TEKT5: variants seen among roughly 807,000 people sequenced by gnomAD.
TEKT5 encodes the protein tektin-5.
In TEKT5, 52 loss-of-function variants were observed where a neutral mutation model predicts 48.7. That is an observed-to-expected ratio of 1.07 (90% CI 0.86 to 1.35). The LOEUF is 1.35. TEKT5 is among the 40% of genes most tolerant of loss of function. The pLI, the probability that TEKT5 is intolerant of heterozygous loss-of-function variation, is 0.00. For synonymous variants in TEKT5, 318 were observed against 267.6 expected (o/e 1.19, Z -1.84); for missense variants, 831 against 641.6 (o/e 1.30, Z -3.19).
Position 10,644,527 on chromosome 16 carries a change from T to G in TEKT5, c.1087-8609A>C, listed in dbSNP as rs920597570. On this transcript the variant is annotated intron_variant, in intron 5 of 6. Coordinates refer to ENST00000283025, the MANE Select transcript of TEKT5 (RefSeq NM_144674.2). ...AAAGAAAGAGCTTCCCTGTCTACTCTATTCAAAACGGACAGCCACCTCCAT... is the reference window on the plus strand; with the variant it reads ...AAAGAAAGAGCTTCCCTGTCTACTCGATTCAAAACGGACAGCCACCTCCAT... 3.1e-4 allele frequency among the ~76,000 whole-genome samples: 47 copies of G among 152,190 alleles called. 1 individual carries two copies. Among genetic ancestry groups the G allele is most frequent in the Admixed American group, 2.2e-3 (33 of 15,278 alleles).
chr16:10,643,517 C>A (rs1250655566), intron 5 of TEKT5, among the ~76,000 whole-genome samples: 2 of 152,120 alleles, frequency 1.3e-5, no homozygotes, highest in Non-Finnish European at 2.9e-5. Flanking sequence ...CTGTGCTGTC[C>A]AACATGAGGC....
intron 5 of TEKT5, among the ~76,000 whole-genome samples, chr16:10,667,527 T>A (rs1898478797): frequency 2.0e-5 from 3 of 152,218 alleles, no homozygotes; most frequent in Non-Finnish European, 4.4e-5. Context: ...GTAAATATCA[T>A]CCGACCACGT....
intron 5 of TEKT5, among the ~76,000 whole-genome samples, chr16:10,658,288 A>G (rs1367581753): frequency 6.6e-6 from 1 of 152,212 alleles, no homozygotes; most frequent in African/African-American, 2.4e-5. Context: ...GAAAGAGTCC[A>G]TATGTCCACC....
chr16:10,642,452 C>T (rs1388732754), intron 5 of TEKT5, among the ~76,000 whole-genome samples: 6 of 152,166 alleles, frequency 3.9e-5, no homozygotes, highest in Admixed American at 3.9e-4. Flanking sequence ...TACCCTGCCC[C>T]ACCCTGTCCT....
chr16:10,643,691 C>T (rs150894369), intron 5 of TEKT5, among the ~76,000 whole-genome samples: 3 of 152,286 alleles, frequency 2.0e-5, no homozygotes, highest in Admixed American at 2.0e-4. Flanking sequence ...GTAAAAATAA[C>T]ACTTTGGTAT....
intron 4 of TEKT5, among the ~76,000 whole-genome samples, chr16:10,678,553 A>C (rs1898689501): frequency 6.6e-6 from 1 of 152,194 alleles, no homozygotes; most frequent in Non-Finnish European, 1.5e-5. Flanking sequence ...AGTGGCACTA[A>C]GTCAGGTTCA....
At chr16:10,690,450 G>T in intron 1 of TEKT5, 1 of 492,592 alleles carries the variant, frequency 2.0e-6, no homozygotes, top group Non-Finnish European at 2.6e-6. Context: ...TTCCTATTGT[G>T]TGCATTTGGG....
At chr16:10,665,105 G>A (rs946696874) in intron 5 of TEKT5, among the ~76,000 whole-genome samples, 1 of 152,170 alleles carries the variant, frequency 6.6e-6, no homozygotes, top group Non-Finnish European at 1.5e-5. Flanking sequence ...GGGGAGGCTG[G>A]ACCAAGGAGG....
chr16:10,629,366 T>A (rs1897802971), intron 6 of TEKT5, among the ~76,000 whole-genome samples: 1 of 151,932 alleles, frequency 6.6e-6, no homozygotes, highest in African/African-American at 2.4e-5. Flanking sequence ...TTCTCTTGCC[T>A]CAGCGTCCCA....
intron 5 of TEKT5, among the ~76,000 whole-genome samples, chr16:10,669,968 C>T (rs1306109045): frequency 6.6e-6 from 1 of 152,132 alleles, no homozygotes; most frequent in Non-Finnish European, 1.5e-5. Context: ...GGATGAGGCC[C>T]CGGGGCAAGC....
intron 5 of TEKT5, among the ~76,000 whole-genome samples, chr16:10,667,132 T>C (rs941527443): frequency 1.3e-5 from 2 of 151,740 alleles, no homozygotes; most frequent in Admixed American, 1.3e-4. Flanking sequence ...TACAGGCGCA[T>C]GCCACCATGC....
At chr16:10,673,961 A>G (rs1287514763) in intron 5 of TEKT5, among the ~76,000 whole-genome samples, 2 of 152,138 alleles carry the variant, frequency 1.3e-5, no homozygotes, top group East Asian at 1.9e-4. Flanking sequence ...CGCTGCATCC[A>G]TTCTTAACCT....
At chr16:10,681,302 T>G (rs1344603024) in intron 4 of TEKT5, among the ~76,000 whole-genome samples, 1 of 151,954 alleles carries the variant, frequency 6.6e-6, no homozygotes, top group Non-Finnish European at 1.5e-5. Context: ...CCCAAAGAAA[T>G]GAAGTGACTT....
At chr16:10,671,490 T>A (rs118073127) in intron 5 of TEKT5, among the ~76,000 whole-genome samples, 1 of 152,300 alleles carries the variant, frequency 6.6e-6, no homozygotes, top group Non-Finnish European at 1.5e-5. Flanking sequence ...TGCTACAACA[T>A]GGATGAGCCT....
At chr16:10,679,550 A>G (rs10221110) in intron 4 of TEKT5, among the ~76,000 whole-genome samples, 41,468 of 151,852 alleles carry the variant, frequency 0.27, 7,191 homozygotes, top group African/African-American at 0.5. Context: ...ACTGCAATTC[A>G]GACAGTCACC....
chr16:10,635,816 A>G lies in TEKT5; in HGVS notation c.1189T>C (p.Cys397Arg). The G allele has an allele frequency of 6.2e-7, 1 of 1,614,012 alleles. No homozygotes were observed. The highest frequency in any genetic ancestry group is 8.5e-7 in the Non-Finnish European group (1 of 1,180,002). The part of the protein sequence containing the change: ...PLKVAQTRLE[C>R]RTRRPNMELC... ...TCCATGTTGGGGCGCCGGGTCCGGC[A>G]CTCCAGCCTTGTCTGGGCCACCTTC... Residue 397 changes from cysteine to arginine, a missense_variant, in exon 6 of 7, where the codon TGC becomes CGC. By Grantham distance (180) the Cys-to-Arg change is radical (BLOSUM62 -3). Transcript: ENST00000283025.
At chr16:10,636,204 G>A (rs908048540) in intron 5 of TEKT5, among the ~76,000 whole-genome samples, 4 of 151,882 alleles carry the variant, frequency 2.6e-5, no homozygotes, top group African/African-American at 9.7e-5. Context: ...GTGAAACCCC[G>A]TCTCTACTAA....
At chr16:10,690,308 C>T (rs1040816288) in intron 1 of TEKT5, among the ~76,000 whole-genome samples, 3 of 152,174 alleles carry the variant, frequency 2.0e-5, no homozygotes, top group African/African-American at 7.2e-5. Context: ...CCCATAATTG[C>T]ATCAGCAGCC....
chr16:10,635,676 C>T (rs1897901314), intron 6 of TEKT5, 88 bp downstream of exon 6: 3 of 1,533,970 alleles, frequency 2.0e-6, no homozygotes, highest in Admixed American at 1.9e-5. Context: ...TTTTCAGACC[C>T]AGTGCACCTA....
Sources: allele counts gnomAD v4.1 joint callset (sites outside exome capture counted in the v4.1 genomes callset), GRCh38; gene constraint gnomAD v4.1.1; transcripts MANE v1.5; gene names NCBI Gene and HGNC (gene_info 2026-07-23, HGNC 2026-07-21).